The following GNPAT variants were observed in gnomAD, a reference collection of about 807,000 sequenced individuals.
GNPAT encodes the protein glyceronephosphate O-acyltransferase, also known as dihydroxyacetone phosphate acyltransferase.
Under a neutral mutation model 78.4 loss-of-function variants are expected in GNPAT, and 30 were observed. The observed-to-expected ratio is 0.38, with a 90% CI of 0.29 to 0.52. The LOEUF (loss-of-function observed/expected upper bound fraction) is 0.52. GNPAT is among the 20% of genes least tolerant of loss of function. The pLI is 0.84. For missense variants in GNPAT, 714 were observed against 812.2 expected (o/e 0.88, Z 1.47); for synonymous variants, 271 against 281.1 (o/e 0.96, Z 0.36).
chr1:231,261,590 T>G (rs1685226808), intron 3 of GNPAT, among the ~76,000 whole-genome samples: 1 of 152,204 alleles, frequency 6.6e-6, no homozygotes, highest in Admixed American at 6.5e-5. Context: ...TTTTTTCCCT[T>G]TATAATTAAT....
At chr1:231,260,114 A>G (rs1421788281) in intron 2 of GNPAT, among the ~76,000 whole-genome samples, 1 of 152,196 alleles carries the variant, frequency 6.6e-6, no homozygotes, top group East Asian at 1.9e-4. Context: ...CTTGTATATT[A>G]CCTTGTAATA....
Position 231,270,978 on chromosome 1 carries a change from G to C in GNPAT, c.1500G>C (p.Gln500His), listed in dbSNP as rs1319939856. Residue 500 changes from glutamine to histidine, a missense_variant, in exon 10 of 16, where the codon CAG becomes CAC. Coordinates refer to ENST00000366647, the MANE Select transcript of GNPAT (RefSeq NM_014236.4). The part of the protein sequence containing the change: ...VRPSLVAVAL[Q>H]MTPGFRKEDV... ...CATCCTTAGTAGCAGTAGCATTGCA[G>C]ATGACACCAGGGTTCAGGAAAGGTA... 6.2e-6 allele frequency: 10 copies of C among 1,614,034 alleles called. No homozygotes were observed. The highest frequency in any genetic ancestry group is 1.7e-5 in the Admixed American group (1 of 60,002).
At chr1:231,253,339 C>T (rs1684953288) in intron 2 of GNPAT, among the ~76,000 whole-genome samples, 1 of 152,202 alleles carries the variant, frequency 6.6e-6, no homozygotes, top group Admixed American at 6.5e-5. Context: ...TCAAGTTATA[C>T]CATATTTGTT....
intron 2 of GNPAT, among the ~76,000 whole-genome samples, chr1:231,257,727 G>C (rs1685105428): frequency 6.6e-6 from 1 of 152,104 alleles, no homozygotes; most frequent in African/African-American, 2.4e-5. Context: ...CCAGTCAATA[G>C]CTCTAGCTGT....
intron 10 of GNPAT, 114 bp downstream of exon 10, chr1:231,271,114 G>T (rs1380352647): frequency 1.6e-6 from 2 of 1,218,608 alleles, no homozygotes; most frequent in African/African-American, 3.0e-5. Flanking sequence ...TGAAGAGCAG[G>T]CCTATCACTG....
chr1:231,252,972 T>A (rs759105178), intron 2 of GNPAT, among the ~76,000 whole-genome samples: 2 of 152,120 alleles, frequency 1.3e-5, no homozygotes, highest in Non-Finnish European at 2.9e-5. Flanking sequence ...TTGTTTTATT[T>A]TGTTTTGTTT....
chr1:231,268,529 A>C (rs1449476704), intron 9 of GNPAT, among the ~76,000 whole-genome samples: 1 of 150,978 alleles, frequency 6.6e-6, no homozygotes, highest in Non-Finnish European at 1.5e-5. Flanking sequence ...AATCCCAGCT[A>C]CTTGGGAGGC....
chr1:231,256,117 C>A (rs926418982), intron 2 of GNPAT, among the ~76,000 whole-genome samples: 3 of 152,168 alleles, frequency 2.0e-5, no homozygotes, highest in African/African-American at 7.2e-5. Flanking sequence ...TTTCCTTATG[C>A]TGACATCTCC....
In GNPAT at chr1:231,277,798, G is replaced by T; in HGVS notation, c.*256G>T. 2.2e-6 allele frequency: 1 copy of T among 447,786 alleles called. No homozygotes were observed. Among genetic ancestry groups the T allele is most frequent in the Admixed American group, 3.6e-5 (1 of 27,466 alleles). The allele number at this position is 447,786 out of a possible 1,614,324, so 27.7% of individuals were successfully genotyped here. A position where few individuals can be genotyped will look rare whatever the true frequency, so the allele number is the denominator to read the frequency against. On this transcript the variant is annotated 3_prime_UTR_variant, in exon 16 of 16. Coordinates refer to ENST00000366647, the MANE Select transcript of GNPAT (RefSeq NM_014236.4). The stretch of plus-strand genomic sequence containing the variant: ...AACTTTTGGAAACATGTTTGGAAAA[G>T]CAAAGCTCAGCTCATTTCACTAACA...
chr1:231,241,257 G>A lies in GNPAT; in HGVS notation c.-122G>A. 1.4e-6 allele frequency: 2 copies of A among 1,431,276 alleles called. No homozygotes were observed. Among genetic ancestry groups the A allele is most frequent in the East Asian group, 2.3e-5 (1 of 43,934 alleles). The allele number at this position is 1,431,276 out of a possible 1,614,324, so 88.7% of individuals were successfully genotyped here. On this transcript the variant is annotated 5_prime_UTR_variant, in exon 1 of 16. Coordinates refer to ENST00000366647, the MANE Select transcript of GNPAT (RefSeq NM_014236.4). ...GCGCCCGGGATCCTGTGTAGCGGCT[G>A]CAGAGGGTGCCGCCGCCCTAGGCGA... is the stretch of plus-strand genomic sequence containing the variant.
At chr1:231,250,864 A>G in intron 1 of GNPAT, 97 bp from the exon 2 acceptor site, 1 of 798,764 alleles carries the variant, frequency 1.3e-6, no homozygotes, top group Non-Finnish European at 2.2e-6. Flanking sequence ...GTCATAGAGT[A>G]ATATTTTGTC....
intron 2 of GNPAT, among the ~76,000 whole-genome samples, chr1:231,254,323 A>G (rs183598490): frequency 1.2e-3 from 178 of 152,294 alleles, no homozygotes; most frequent in African/African-American, 4.0e-3. Context: ...CTGTTTCCCT[A>G]GTGAACTGTT....
At position 231,267,836 on chromosome 1, in the gene GNPAT, T is replaced by C. The variant is rs143205045; in HGVS notation, c.1212T>C (p.Ala404=). 1.4e-3 allele frequency: 2,225 copies of C among 1,614,042 alleles called. 3 individuals are homozygous for C. The highest frequency in any genetic ancestry group is 1.8e-3 in the Non-Finnish European group (2,065 of 1,179,880). Residue 404 remains alanine, a synonymous_variant, in exon 9 of 16, where the codon GCT becomes GCC. Coordinates refer to ENST00000366647, the MANE Select transcript of GNPAT (RefSeq NM_014236.4). The part of the protein sequence containing the change: ...LQNRPSMDFD[A]LVEKTLWLKG... ...ACCGGCCATCCATGGACTTTGATGCTCTGGTGGAAAAGACTTTATGGCTAA... is the reference window on the plus strand; with the variant it reads ...ACCGGCCATCCATGGACTTTGATGCCCTGGTGGAAAAGACTTTATGGCTAA...
At chr1:231,270,497 G>C (rs146430031) in intron 9 of GNPAT, among the ~76,000 whole-genome samples, 395 of 152,260 alleles carry the variant, frequency 2.6e-3, no homozygotes, top group Middle Eastern at 0.024. Context: ...AGAAACTGAT[G>C]TGCCTTTCAG....
chr1:231,265,654 A>G, intron 5 of GNPAT, 58 bp from the exon 6 acceptor site: 1 of 1,046,342 alleles, frequency 9.6e-7, no homozygotes, highest in South Asian at 1.3e-5. Context: ...CAAAAGAAGC[A>G]TTTATCATTT....
intron 1 of GNPAT, among the ~76,000 whole-genome samples, chr1:231,248,793 T>C (rs1684817347): frequency 6.6e-6 from 1 of 152,226 alleles, no homozygotes; most frequent in Non-Finnish European, 1.5e-5. Context: ...TGTAAATTTG[T>C]ACCATTGTGT....
intron 11 of GNPAT, among the ~76,000 whole-genome samples, chr1:231,272,693 G>A (rs962053562): frequency 6.6e-6 from 1 of 152,142 alleles, no homozygotes; most frequent in African/African-American, 2.4e-5. Flanking sequence ...GCACACAGCC[G>A]GGCGCAGTGG....
At position 231,273,997 on chromosome 1, in the gene GNPAT, G is replaced by A. The variant is rs1685639021; in HGVS notation, c.1678G>A (p.Glu560Lys). 1.2e-6 allele frequency: 2 copies of A among 1,611,350 alleles called. No individual in the cohort carries two copies. The highest frequency in any genetic ancestry group is 1.7e-6 in the Non-Finnish European group (2 of 1,177,434). The change falls in exon 12 of 16, where the codon GAG (glutamate) becomes AAG (lysine). Residue 560 changes from glutamate to lysine, a missense_variant. Coordinates refer to ENST00000366647, the MANE Select transcript of GNPAT (RefSeq NM_014236.4). ...QVTTKDILVT[E>K]KGNTVLEFLV... ...GACTACGAAAGACATCCTAGTTACA[G>A]AGAAAGGAAATACTGTGTTAGAATT...
At chr1:231,259,751 T>A (rs981836501) in intron 2 of GNPAT, among the ~76,000 whole-genome samples, 24 of 152,098 alleles carry the variant, frequency 1.6e-4, no homozygotes, top group African/African-American at 5.3e-4. Context: ...TGCCAACACC[T>A]GTCCTCTGAG....
Sources: allele counts gnomAD v4.1 joint callset (sites outside exome capture counted in the v4.1 genomes callset), GRCh38; gene constraint gnomAD v4.1.1; transcripts MANE v1.5; gene names NCBI Gene and HGNC (gene_info 2026-07-23, HGNC 2026-07-21).